The following ACMSD variants were observed in gnomAD, a reference collection of about 807,000 sequenced individuals.
The protein encoded by ACMSD is 2-amino-3-carboxymuconate-6-semialdehyde decarboxylase.
A neutral mutation model predicts 45.9 loss-of-function variants in ACMSD; 37 were observed. The ratio of observed to expected loss-of-function variants is 0.81; its 90% CI spans 0.62 to 1.06. ACMSD has a LOEUF of 1.06. Ranked by LOEUF, ACMSD falls within the 50% of genes least tolerant of loss-of-function variation. The probability of loss-of-function intolerance (pLI) is 0.00; values close to 1 mark genes in which losing one functional copy is unlikely to be tolerated. For missense variants in ACMSD, 434 were observed against 420.9 expected, an observed-to-expected ratio of 1.03 and a Z score of -0.27; for synonymous variants, 138 against 148.8, an observed-to-expected ratio of 0.93 and a Z score of 0.53.
chr2:134,897,924 T>A (rs1233286108), intron 8 of ACMSD, among the ~76,000 whole-genome samples: 2 of 151,216 alleles, frequency 1.3e-5, no homozygotes, highest in Non-Finnish European at 3.0e-5. Context: ...ATTTGTTTTT[T>A]ATGTTTCCTT....
chr2:134,876,594 G>A (rs953332854), intron 8 of ACMSD, among the ~76,000 whole-genome samples: 65 of 152,224 alleles, frequency 4.3e-4, no homozygotes, highest in Middle Eastern at 6.8e-3. Context: ...CATCTCCTAC[G>A]ACAATGCCTT....
chr2:134,892,827 G>A lies in ACMSD; in HGVS notation c.850-5514G>A, dbSNP rs192565971. 1.6e-4 allele frequency among the ~76,000 whole-genome samples: 25 copies of A among 152,304 alleles called. No individual in the cohort carries two copies. The East Asian group carries it at 4.1e-3, about 25-fold the overall frequency. On this transcript the variant is annotated intron_variant, in intron 8 of 9. Transcript: ENST00000356140. ...GTGACAGAATAGAAATGAACATGAT[G>A]TTGAGTAAATACTTAGATGACAACT...
At chr2:134,889,950 TTTAA>T (rs1234255417) in intron 8 of ACMSD, among the ~76,000 whole-genome samples, 3 of 152,104 alleles carry the variant, frequency 2.0e-5, no homozygotes, top group Non-Finnish European at 4.4e-5. Context: ...AACATATATA[TTTAA>T]TTTACATAAG....
In ACMSD at chr2:134,871,015, G is replaced by A. The variant is rs201537963; in HGVS notation, c.631G>A (p.Val211Ile). The change falls in exon 7 of 10, where the codon GTA (valine) becomes ATA (isoleucine). Residue 211 changes from valine (V) to isoleucine (I), a missense_variant. Transcript: ENST00000356140. ...IAICSMIMGG[V>I]FEKFPKLKVC... ...CATTTGCTCCATGATCATGGGTGGA[G>A]TATTTGAGAAGTTTCCCAAACTGAA... 207 of 1,614,158 alleles carry A rather than the reference G, an allele frequency of 1.3e-4. No homozygotes were observed. The East Asian group carries it at 3.0e-3, about 23-fold the overall frequency.
chr2:134,863,686 C>T (rs1263536415), intron 5 of ACMSD, 55 bp downstream of exon 5: 1 of 1,576,346 alleles, frequency 6.3e-7, no homozygotes, highest in African/African-American at 1.3e-5. Context: ...GGGCCGGGGG[C>T]ACCGCTGGGT....
intron 3 of ACMSD, among the ~76,000 whole-genome samples, chr2:134,860,338 GCCTGGTTGACTGTGCCA>G (rs1687789218): frequency 6.6e-6 from 1 of 152,170 alleles, no homozygotes. Context: ...ACCTGTGACT[GCCTGGTTGACTGTGCCA>G]CCTGAGGAGA....
At chr2:134,843,408 A>T (rs765325221) in intron 1 of ACMSD, among the ~76,000 whole-genome samples, 1 of 152,216 alleles carries the variant, frequency 6.6e-6, no homozygotes, top group Admixed American at 6.5e-5. Flanking sequence ...CCTGGGTGGA[A>T]TAAGACTGGT....
At position 134,874,854 on chromosome 2, in the gene ACMSD, G is replaced by T. The variant is rs923942278; in HGVS notation, c.849+2213G>T. 2.6e-5 allele frequency among the ~76,000 whole-genome samples: 4 copies of T among 152,114 alleles called. No individual in the cohort carries two copies. The South Asian group carries it at 8.3e-4, about 31-fold the overall frequency. ...TCTATTAAGAAAATAGAGTAAGAAA[G>T]AAATTCTCAATGATCATAATGGGAA... On this transcript the variant is annotated intron_variant, in intron 8 of 9. Transcript: ENST00000356140.
At chr2:134,879,406 A>C (rs1381723523) in intron 8 of ACMSD, among the ~76,000 whole-genome samples, 2 of 152,058 alleles carry the variant, frequency 1.3e-5, no homozygotes, top group Non-Finnish European at 2.9e-5. Context: ...ACTTCCTCCT[A>C]CTAATCAGTT....
intron 4 of ACMSD, chr2:134,862,992 G>A (rs572475932): frequency 6.1e-6 from 6 of 985,474 alleles, no homozygotes; most frequent in East Asian, 2.3e-4. Flanking sequence ...CCTCAATGGG[G>A]CATGACAAGG....
chr2:134,864,900 C>A lies in ACMSD; in HGVS notation c.486+1269C>A, dbSNP rs545561931. Among the ~76,000 whole-genome samples, 13 of 152,306 alleles carry A rather than the reference C, an allele frequency of 8.5e-5. No individual in the cohort carries two copies. In the South Asian group the frequency reaches 2.5e-3, roughly 29 times the overall value. Reference sequence around the variant, plus strand: ...CCTCCACTTTCAACTCTTTCTATAACCAAACCTTCTCATCTCAGTACCAGG... The same window carrying A: ...CCTCCACTTTCAACTCTTTCTATAAACAAACCTTCTCATCTCAGTACCAGG... On this transcript the variant is annotated intron_variant, in intron 5 of 9. Coordinates refer to ENST00000356140, the MANE Select transcript of ACMSD (RefSeq NM_138326.3).
intron 8 of ACMSD, among the ~76,000 whole-genome samples, chr2:134,876,021 A>C (rs555604932): frequency 6.6e-5 from 10 of 152,336 alleles, no homozygotes; most frequent in African/African-American, 2.4e-4. Context: ...CCAATGATAC[A>C]TATTTGTGTA....
intron 1 of ACMSD, among the ~76,000 whole-genome samples, chr2:134,839,178 T>C (rs1686668610): frequency 6.6e-6 from 1 of 152,214 alleles, no homozygotes; most frequent in African/African-American, 2.4e-5. Context: ...AAATAAGTTT[T>C]AGAAGCACCA....
chr2:134,880,782 C>T (rs1252216259), intron 8 of ACMSD, among the ~76,000 whole-genome samples: 1 of 152,100 alleles, frequency 6.6e-6, no homozygotes, highest in Admixed American at 6.6e-5. Context: ...ACTTTTTGAG[C>T]ATGTACAATG....
At chr2:134,860,636 C>T (rs1356133846) in intron 3 of ACMSD, among the ~76,000 whole-genome samples, 4 of 152,096 alleles carry the variant, frequency 2.6e-5, no homozygotes, top group Admixed American at 1.3e-4. Context: ...AGGAATCAAA[C>T]GGTCAGCCTA....
chr2:134,849,561 C>T (rs1172256998), intron 2 of ACMSD, among the ~76,000 whole-genome samples: 1 of 152,114 alleles, frequency 6.6e-6, no homozygotes, highest in Non-Finnish European at 1.5e-5. Context: ...ATGTGTTCTG[C>T]CCCCAGGATT....
chr2:134,871,682 GACACAC>G (rs1170611331), intron 7 of ACMSD, among the ~76,000 whole-genome samples: 1 of 138,898 alleles, frequency 7.2e-6, no homozygotes, highest in Non-Finnish European at 1.5e-5. Flanking sequence ...TCAACAGACA[GACACAC>G]ACACACACAC....
chr2:134,868,609 C>T (rs890677687), intron 6 of ACMSD, among the ~76,000 whole-genome samples: 6 of 151,938 alleles, frequency 3.9e-5, no homozygotes, highest in African/African-American at 1.2e-4. Context: ...TACAATGCCA[C>T]GTCCAGCTAA....
chr2:134,898,234 A>T (rs557132945), intron 8 of ACMSD, 107 bp from the exon 9 acceptor site: 160 of 597,174 alleles, frequency 2.7e-4, no homozygotes, highest in Non-Finnish European at 4.1e-4. Flanking sequence ...TCAGGAAAAA[A>T]TGTGTTATTT....
Sources: allele counts gnomAD v4.1 joint callset (sites outside exome capture counted in the v4.1 genomes callset), GRCh38; gene constraint gnomAD v4.1.1; transcripts MANE v1.5; gene names NCBI Gene and HGNC (gene_info 2026-07-23, HGNC 2026-07-21).